Variants in IDUA observed in about 807,000 individuals in gnomAD.
IDUA encodes iduronidase alpha-L-.
Under a neutral mutation model 68.9 loss-of-function variants are expected in IDUA, and 65 were observed. The observed-to-expected ratio is 0.94, with a 90% confidence interval of 0.77 to 1.16. The LOEUF is 1.16. IDUA is among the 50% of genes most tolerant of loss of function. IDUA has a pLI of 0.00. For missense variants in IDUA, 1,046 were observed against 938.0 expected (o/e 1.12, Z -1.50); for synonymous variants, 529 against 433.6 (o/e 1.22, Z -2.73).
At chr4:1,003,685 C>T (rs1297108823) in intron 12 of IDUA, 60 bp downstream of exon 12, 5 of 1,581,902 alleles carry the variant, frequency 3.2e-6, no homozygotes, top group Non-Finnish European at 4.3e-6. Flanking sequence ...TGGGTCCCGA[C>T]CCCTTCACCC....
intron 2 of IDUA, chr4:988,679 C>T: frequency 7.1e-7 from 1 of 1,413,696 alleles, no homozygotes; most frequent in Non-Finnish European, 9.2e-7. Flanking sequence ...GCCTCCTTTC[C>T]CAGTTGGGGT....
Position 1,002,806 on chromosome 4 carries a change from G to A in IDUA, c.1264G>A (p.Ala422Thr). 1 of 1,461,466 alleles carries A rather than the reference G, an allele frequency of 6.8e-7. No homozygotes were observed. The highest frequency in any genetic ancestry group is 9.0e-7 in the Non-Finnish European group (1 of 1,112,602). 90.5% of individuals were successfully genotyped at this position (1,461,466 alleles called of 1,614,324 possible). Residue 422 changes from alanine to threonine, a missense_variant, in exon 9 of 14, where the codon GCC becomes ACC. By Grantham distance (58) the Ala-to-Thr change is moderately conservative (BLOSUM62 0). Transcript: ENST00000514224. ...LDSNHTVGVLASAHRPQGPAD... is the reference protein window; with the variant it reads ...LDSNHTVGVLTSAHRPQGPAD... ...CAGCAACCACACGGTGGGCGTCCTG[G>A]CCAGCGCCCACCGCCCCCAGGGCCC...
rs1313288667 is a variant in IDUA, at chr4:1,004,469, C to G, written c.*76C>G. On this transcript the variant is annotated 3_prime_UTR_variant, in exon 14 of 14. Transcript: ENST00000514224. The surrounding 1 kb of genome is among the most constrained non-coding windows in gnomAD (Gnocchi z 5.0). The stretch of plus-strand genomic sequence containing the variant: ...GGGGCTGCACTGTGCCCATGCTGCC[C>G]TCCCATCACCCCCTTTGCAATATAT... 1.2e-5 allele frequency: 16 copies of G among 1,379,038 alleles called. No homozygotes were observed. In the Admixed American group the frequency reaches 2.6e-4, roughly 23 times the overall value. The allele number at this position is 1,379,038 out of a possible 1,614,324, so 85.4% of individuals were successfully genotyped here. A position where few individuals can be genotyped will look rare whatever the true frequency, so the allele number is the denominator to read the frequency against.
chr4:993,622 C>T (rs938511551), intron 2 of IDUA, among the ~76,000 whole-genome samples: 14 of 149,732 alleles, frequency 9.4e-5, no homozygotes, highest in African/African-American at 3.1e-4. Flanking sequence ...TGTGGCTCTG[C>T]GGCCCTGCCG....
Position 1,003,436 on chromosome 4 carries a change from A to T in IDUA, c.1616A>T (p.His539Leu), listed in dbSNP as rs1355393438. Residue 539 changes from histidine (H) to leucine (L), a missense_variant, in exon 11 of 14, where the codon CAC (histidine) becomes CTC (leucine). His to Leu is a moderately conservative substitution (Grantham distance 99, BLOSUM62 -3). Coordinates refer to ENST00000514224, the MANE Select transcript of IDUA (RefSeq NM_000203.5). ...ALRLPSLLLVHVCARPEKPPG... is the reference protein window; with the variant it reads ...ALRLPSLLLVLVCARPEKPPG... Reference sequence around the variant, plus strand: ...CGGCTGCCGTCGCTTTTGCTGGTGCACGTGTGTGCGCGCCCCGAGAAGCCG... The same window carrying T: ...CGGCTGCCGTCGCTTTTGCTGGTGCTCGTGTGTGCGCGCCCCGAGAAGCCG... 3 of 1,539,264 alleles carry T rather than the reference A, an allele frequency of 1.9e-6. No homozygotes were observed. Among genetic ancestry groups the T allele is most frequent in the Non-Finnish European group, 2.6e-6 (3 of 1,149,018 alleles).
At chr4:988,654 G>A (rs1713943697) in intron 2 of IDUA, 4 of 1,407,346 alleles carry the variant, frequency 2.8e-6, no homozygotes, top group Admixed American at 6.4e-5. Context: ...TTTGGGTCCT[G>A]CGTGTGATCA....
rs202051939 is a variant in IDUA, at chr4:1,001,995, C to G, written c.806C>G (p.Ser269Cys). Residue 269 changes from serine (S) to cysteine (C), a missense_variant, in exon 7 of 14, where the codon TCC (serine) becomes TGC (cysteine). Ser to Cys is a moderately radical substitution (Grantham distance 112). Coordinates refer to ENST00000514224, the MANE Select transcript of IDUA (RefSeq NM_000203.5). ...CCCCGCCCGCAGGGTGCGCGCAGCT[C>G]CATCTCCATCCTGGAGCAGGAGAAG... ...ISLHRKGARS[S>C]ISILEQEKVV... 3.1e-4 allele frequency: 491 copies of G among 1,588,364 alleles called. No individual in the cohort carries two copies. The highest frequency in any genetic ancestry group is 8.0e-4 in the South Asian group (70 of 87,142).
rs1443978318 is a variant in IDUA, at chr4:1,002,718, C to CT, written c.1190-14_1190-13insT. ...AACGACCCCACGCGGCGACGGCCCCCCCCCGCCCCGCAGATGAGGAGCAGC... is the reference window on the plus strand; with the variant it reads ...AACGACCCCACGCGGCGACGGCCCCCTCCCCGCCCCGCAGATGAGGAGCAGC... On this transcript the variant is annotated splice_polypyrimidine_tract_variant and intron_variant, in intron 8 of 13. Transcript: ENST00000514224. The CT allele has an allele frequency of 3.5e-6, 5 of 1,443,528 alleles. No individual in the cohort carries two copies. Among genetic ancestry groups the CT allele is most frequent in the Non-Finnish European group, 3.7e-6 (4 of 1,086,724 alleles). 89.4% of individuals were successfully genotyped at this position (1,443,528 alleles called of 1,614,324 possible). A position where few individuals can be genotyped will look rare whatever the true frequency, so the allele number is the denominator to read the frequency against.
intron 2 of IDUA, chr4:989,052 C>T (rs751557218): frequency 1.6e-5 from 25 of 1,584,086 alleles, no homozygotes; most frequent in East Asian, 4.7e-5. Context: ...GGTCCTGCAG[C>T]GTGCTCACAC....
chr4:999,959 T>G, intron 2 of IDUA: 1 of 131,592 alleles, frequency 7.6e-6, no homozygotes, highest in Non-Finnish European at 1.6e-5. Context: ...GCAGGCCTCG[T>G]GGGAATTCAG....
At chr4:988,675 T>A in intron 2 of IDUA, 2 of 1,414,832 alleles carry the variant, frequency 1.4e-6, no homozygotes. Context: ...GAGGGCCTCC[T>A]TTCCCAGTTG....
intron 2 of IDUA, chr4:988,534 T>C (rs1049072145): frequency 4.9e-6 from 6 of 1,225,342 alleles, no homozygotes; most frequent in Non-Finnish European, 6.1e-6. Context: ...ATGTCAACCC[T>C]GAGCGTCAGG....
chr4:996,089 G>T (rs1031938447), intron 2 of IDUA, among the ~76,000 whole-genome samples: 1 of 152,172 alleles, frequency 6.6e-6, no homozygotes, highest in Non-Finnish European at 1.5e-5. Context: ...ATTTCTCCTC[G>T]AAGCCCCTGC....
At chr4:992,120 C>T (rs1447453213) in intron 2 of IDUA, 2 of 492,372 alleles carry the variant, frequency 4.1e-6, no homozygotes, top group South Asian at 3.1e-5. Context: ...CAGGAACAGG[C>T]TGGGCTGCCA....
intron 2 of IDUA, among the ~76,000 whole-genome samples, chr4:998,968 G>A (rs527420232): frequency 6.6e-6 from 1 of 152,210 alleles, no homozygotes; most frequent in East Asian, 1.9e-4. Flanking sequence ...TGCTCTGGAA[G>A]CCAAGGTGGG....
Position 1,002,928 on chromosome 4 carries a change from G to T in IDUA, c.1386G>T (p.Gly462=). ...TCGCGGTGACCCTGCGGCTGCGCGGGGTGCCCCCCGGCCCGGGTAAGCCGG... is the reference window on the plus strand; with the variant it reads ...TCGCGGTGACCCTGCGGCTGCGCGGTGTGCCCCCCGGCCCGGGTAAGCCGG... The part of the protein sequence containing the change: ...RSVAVTLRLR[G]VPPGPGLVYV... The change falls in exon 9 of 14, where the codon GGG becomes GGT. Residue 462 remains glycine, a synonymous_variant. Coordinates refer to ENST00000514224, the MANE Select transcript of IDUA (RefSeq NM_000203.5). The T allele has an allele frequency of 2.2e-6, 3 of 1,361,306 alleles. No homozygotes were observed. Among genetic ancestry groups the T allele is most frequent in the Non-Finnish European group, 2.8e-6 (3 of 1,065,060 alleles). 84.3% of individuals were successfully genotyped at this position (1,361,306 alleles called of 1,614,324 possible). A position where few individuals can be genotyped will look rare whatever the true frequency, so the allele number is the denominator to read the frequency against.
In IDUA at chr4:1,001,008, T is replaced by TGG; in HGVS notation, c.493+22_493+23dup. Reference sequence around the variant, plus strand: ...TACATCGGTGGGCGAGCGCAGGCCCTGGGGCCCTGGCCGGGGCGGGGGTAC... The same window carrying TGG: ...TACATCGGTGGGCGAGCGCAGGCCCTGGGGGGCCCTGGCCGGGGCGGGGGTAC... On this transcript the variant is annotated intron_variant, in intron 4 of 13. Coordinates refer to ENST00000514224, the MANE Select transcript of IDUA (RefSeq NM_000203.5). 6.4e-7 allele frequency: 1 copy of TGG among 1,567,302 alleles called. No individual in the cohort carries two copies. The highest frequency in any genetic ancestry group is 1.3e-5 in the African/African-American group (1 of 74,190).
At chr4:994,344 C>T (rs929633026) in intron 2 of IDUA, among the ~76,000 whole-genome samples, 2 of 151,544 alleles carry the variant, frequency 1.3e-5, no homozygotes, top group South Asian at 2.1e-4. Flanking sequence ...GGTGTGATCT[C>T]GGCTCACTGG....
chr4:987,291 C>A (rs1445334929), intron 1 of IDUA, 49 bp downstream of exon 1: 6 of 1,483,486 alleles, frequency 4.0e-6, no homozygotes, highest in Admixed American at 2.0e-5. Flanking sequence ...GGGGAGAGCT[C>A]GGGCGCCCCC....
Sources: gnomAD v4.1 joint callset for allele counts (sites outside exome capture counted in the v4.1 genomes callset) on GRCh38, gnomAD v4.1.1 for gene constraint, Gnocchi (gnomAD v3.1) non-coding constraint, MANE v1.5 for transcripts, NCBI Gene and HGNC (gene_info 2026-07-23, HGNC 2026-07-21) for gene names.